IL1RAPL2: variants seen among roughly 807,000 people sequenced by gnomAD.
IL1RAPL2 encodes interleukin 1 receptor accessory protein like 2.
IL1RAPL2 carries 3 observed loss-of-function variants against 44.1 expected under a neutral mutation model. That is an observed-to-expected ratio of 0.07 (90% CI 0.03 to 0.18). The LOEUF (loss-of-function observed/expected upper bound fraction) is 0.18. Among genes scored for constraint, IL1RAPL2 ranks in the 10% least tolerant of loss-of-function variants. IL1RAPL2 has a pLI of 1.00. For missense variants in IL1RAPL2, 391 were observed against 496.4 expected (o/e 0.79, Z 2.02); for synonymous variants, 181 against 178.8 (o/e 1.01, Z -0.10).
chrX:105,209,997 AG>A (rs1317552774), intron 3 of IL1RAPL2, among the ~76,000 whole-genome samples: 2 of 109,776 alleles, frequency 1.8e-5, no homozygotes, highest in African/African-American at 3.3e-5. Context: ...TTTTTTATGC[AG>A]CTTGATGATC....
rs756524599 is a variant in IL1RAPL2 at position 105,561,642 on chromosome X, A to G, written c.772+77255A>G. Among the ~76,000 whole-genome samples the G allele has an allele frequency of 6.0e-4, 67 of 111,896 alleles. 1 individual carries two copies. Among genetic ancestry groups the G allele is most frequent in the Non-Finnish European group, 1.1e-3 (59 of 53,203 alleles). On this transcript the variant is annotated intron_variant, in intron 6 of 10. Coordinates refer to ENST00000372582, the MANE Select transcript of IL1RAPL2 (RefSeq NM_017416.2). ...TGAAGGTCATGCATATAAAGCATAT[A>G]TGAGTAATGCCAAACCTCAGAGCTG...
chrX:105,072,499 T>G (rs2032220713), intron 2 of IL1RAPL2, among the ~76,000 whole-genome samples: 1 of 111,344 alleles, frequency 9.0e-6, no homozygotes, highest in Non-Finnish European at 1.9e-5. Context: ...TGGGAAAGTT[T>G]GCAACTTTCT....
At chrX:105,103,418 C>G (rs7050119) in intron 2 of IL1RAPL2, among the ~76,000 whole-genome samples, 8,177 of 111,637 alleles carry the variant, frequency 0.073, 752 homozygotes, top group African/African-American at 0.25. Context: ...TGCATCAATA[C>G]TTACATTGTA....
rs1013596602 is a variant in IL1RAPL2, at chrX:105,407,166, A to C, written c.698-77147A>C. The C allele has an allele frequency of 3.0e-5, 13 of 437,318 alleles. No individual in the cohort carries two copies. In the African/African-American group the frequency reaches 3.0e-4, roughly 10 times the overall value. 36.0% of individuals were successfully genotyped at this position (437,318 alleles called of 1,213,427 possible). On this transcript the variant is annotated intron_variant, in intron 5 of 10. Coordinates refer to ENST00000372582, the MANE Select transcript of IL1RAPL2 (RefSeq NM_017416.2). ...CTGTAAGGAAATTAAAAAAAAAAAA[A>C]CACATTTAGAGGATTATGCTTGTTC...
At chrX:104,646,848 C>A (rs954695096) in intron 1 of IL1RAPL2, among the ~76,000 whole-genome samples, 1 of 111,730 alleles carries the variant, frequency 9.0e-6, no homozygotes, top group Non-Finnish European at 1.9e-5. Context: ...ATCACTCCAT[C>A]AATCACAATG....
rs2038150800 is a variant in IL1RAPL2 at position 105,704,778 on chromosome X, CA to C, written c.773-12588del. Among the ~76,000 whole-genome samples the C allele has an allele frequency of 2.7e-5, 3 of 110,684 alleles. No homozygotes were observed. In the Admixed American group the frequency reaches 2.9e-4, roughly 11 times the overall value. ...CTATTTTTCCTAATGTTCTCCCTCCCACCACCCCACCCACCAACAGGAGAGG... is the reference window on the plus strand; with the variant it reads ...CTATTTTTCCTAATGTTCTCCCTCCCCCACCCCACCCACCAACAGGAGAGG... On this transcript the variant is annotated intron_variant, in intron 6 of 10. Transcript: ENST00000372582.
At chrX:105,473,107 A>T (rs1602427692) in intron 5 of IL1RAPL2, among the ~76,000 whole-genome samples, 1 of 111,659 alleles carries the variant, frequency 9.0e-6, no homozygotes, top group East Asian at 2.8e-4. Flanking sequence ...AGACTGGGAG[A>T]CTACAGAATA....
chrX:105,153,471 G>T (rs1351867753), intron 2 of IL1RAPL2, among the ~76,000 whole-genome samples: 1 of 111,566 alleles, frequency 9.0e-6, no homozygotes, highest in Non-Finnish European at 1.9e-5. Flanking sequence ...GTTTTGTAAA[G>T]CAAAAAATAT....
chrX:105,034,777 G>C (rs1411194639), intron 2 of IL1RAPL2, among the ~76,000 whole-genome samples: 1 of 111,782 alleles, frequency 8.9e-6, no homozygotes, highest in Non-Finnish European at 1.9e-5. Flanking sequence ...CTGTCAGACA[G>C]GGACATTTAA....
intron 2 of IL1RAPL2, among the ~76,000 whole-genome samples, chrX:104,676,262 G>A (rs1327401434): frequency 6.3e-5 from 7 of 111,407 alleles, no homozygotes; most frequent in Non-Finnish European, 1.1e-4. Context: ...CATGTTTAGT[G>A]CTTCCTTCAG....
chrX:105,068,712 C>A (rs1022894139), intron 2 of IL1RAPL2, among the ~76,000 whole-genome samples: 1 of 111,434 alleles, frequency 9.0e-6, no homozygotes, highest in Non-Finnish European at 1.9e-5. Flanking sequence ...ATAGATTGTA[C>A]CAGAAGTAGT....
At chrX:105,035,564 A>T (rs2031613836) in intron 2 of IL1RAPL2, among the ~76,000 whole-genome samples, 1 of 112,489 alleles carries the variant, frequency 8.9e-6, no homozygotes, top group Non-Finnish European at 1.9e-5. Context: ...GGAATAAAAA[A>T]AATTAACATG....
chrX:105,327,430 T>C (rs1166808447), intron 5 of IL1RAPL2, among the ~76,000 whole-genome samples: 1 of 112,096 alleles, frequency 8.9e-6, no homozygotes, highest in Non-Finnish European at 1.9e-5. Context: ...ATGTCTGTAA[T>C]ACTATGCAAT....
chrX:105,555,374 T>C (rs914984659), intron 6 of IL1RAPL2, among the ~76,000 whole-genome samples: 4 of 111,572 alleles, frequency 3.6e-5, no homozygotes, highest in Non-Finnish European at 7.5e-5. Context: ...GCCTTGCTTA[T>C]TTCCCTTCTT....
intron 2 of IL1RAPL2, among the ~76,000 whole-genome samples, chrX:104,817,836 C>T (rs1310065593): frequency 1.8e-5 from 2 of 111,138 alleles, no homozygotes; most frequent in Non-Finnish European, 3.8e-5. Flanking sequence ...ATTACTGAAA[C>T]TAATGCTGTT....
At chrX:104,608,999 C>T (rs1422007847) in intron 1 of IL1RAPL2, among the ~76,000 whole-genome samples, 1 of 111,593 alleles carries the variant, frequency 9.0e-6, no homozygotes, top group Non-Finnish European at 1.9e-5. Context: ...CCGGTTGTTC[C>T]TTTCCATGTT....
At chrX:105,412,582 G>A (rs918818717) in intron 5 of IL1RAPL2, among the ~76,000 whole-genome samples, 2 of 110,692 alleles carry the variant, frequency 1.8e-5, no homozygotes, top group Non-Finnish European at 3.8e-5. Flanking sequence ...GGAAGGATGT[G>A]GCGAAGTTGG....
intron 5 of IL1RAPL2, among the ~76,000 whole-genome samples, chrX:105,325,399 A>T (rs933229136): frequency 3.7e-5 from 4 of 109,487 alleles, no homozygotes; most frequent in African/African-American, 1.3e-4. Context: ...CAAAGTATAG[A>T]TATACTATAT....
At chrX:104,576,121 T>C (rs1167844195) in intron 1 of IL1RAPL2, among the ~76,000 whole-genome samples, 2 of 111,358 alleles carry the variant, frequency 1.8e-5, no homozygotes, top group Non-Finnish European at 3.8e-5. Context: ...TCATTTCATA[T>C]TAATAATTAT....
Sources: allele counts gnomAD v4.1 joint callset (sites outside exome capture counted in the v4.1 genomes callset), GRCh38; gene constraint gnomAD v4.1.1; transcripts MANE v1.5; gene names NCBI Gene and HGNC (gene_info 2026-07-23, HGNC 2026-07-21).